Variants in SAMD9L observed in about 807,000 individuals in gnomAD.
SAMD9L encodes sterile alpha motif domain containing 9 like.
SAMD9L carries 68 observed loss-of-function variants against 90.7 expected under a neutral mutation model. The ratio of observed to expected loss-of-function variants is 0.75; its 90% CI spans 0.62 to 0.92. The LOEUF is 0.92. Ranked by LOEUF, SAMD9L falls within the 40% of genes least tolerant of loss-of-function variation. The pLI is 0.00. For missense variants in SAMD9L, 1,604 were observed against 1,824.3 expected, an observed-to-expected ratio of 0.88 and a Z score of 2.20; for synonymous variants, 640 against 630.1, an observed-to-expected ratio of 1.02 and a Z score of -0.23.
chr7:93,143,275 C>G (rs1203592304), intron 4 of SAMD9L, among the ~76,000 whole-genome samples: 1 of 152,140 alleles, frequency 6.6e-6, no homozygotes, highest in Admixed American at 6.5e-5. Flanking sequence ...CACACCCTGA[C>G]TGGAACATGG....
At chr7:93,136,520 G>T (rs1251702058) in intron 4 of SAMD9L, among the ~76,000 whole-genome samples, 1 of 152,164 alleles carries the variant, frequency 6.6e-6, no homozygotes, top group Non-Finnish European at 1.5e-5. Flanking sequence ...TTGGGGGAAT[G>T]TGGTAGCAAA....
In SAMD9L at chr7:93,132,652, C is replaced by G; in HGVS notation, c.3320G>C (p.Arg1107Pro). ...KDFNTALDWA[R>P]QAKMKAPKNS... ...TTTAGGTGCTTTCATTTTGGCCTGA[C>G]GTGCCCAGTCCAGAGCTGTGTTAAA... Residue 1107 changes from arginine to proline, a missense_variant, in exon 5 of 5, where the codon CGT (arginine) becomes CCT (proline). By Grantham distance (103) the Arg-to-Pro change is moderately radical (BLOSUM62 -2). Coordinates refer to ENST00000318238, the MANE Select transcript of SAMD9L (RefSeq NM_152703.5). 1 of 1,613,780 alleles carries G rather than the reference C, an allele frequency of 6.2e-7. No homozygotes were observed. The highest frequency in any genetic ancestry group is 2.2e-5 in the East Asian group (1 of 44,872).
chr7:93,131,549 G>T lies in SAMD9L; in HGVS notation c.4423C>A (p.Leu1475Ile). The change falls in exon 5 of 5, where the codon CTT (leucine) becomes ATT (isoleucine). Residue 1475 changes from leucine to isoleucine, a missense_variant. Coordinates refer to ENST00000318238, the MANE Select transcript of SAMD9L (RefSeq NM_152703.5). The part of the protein sequence containing the change: ...RMCRSKQAST[L>I]FYLGKRKGLN... Reference sequence around the variant, plus strand: ...CCCTTCCTTTTGCCCAGATAGAAAAGTGTGCTTGCCTGCTTGGACCTGCAC... The same window carrying T: ...CCCTTCCTTTTGCCCAGATAGAAAATTGTGCTTGCCTGCTTGGACCTGCAC... 4.3e-6 allele frequency: 7 copies of T among 1,613,968 alleles called. No homozygotes were observed. The highest frequency in any genetic ancestry group is 5.9e-6 in the Non-Finnish European group (7 of 1,179,902).
Position 93,146,885 on chromosome 7 carries a change from A to G in SAMD9L, c.-781T>C, listed in dbSNP as rs947214367. Reference sequence around the variant, plus strand: ...CCTAGTTACAGACTACACCTTACCAACTTTCTGCTGTGTCACTCACAGTCA... The same window carrying G: ...CCTAGTTACAGACTACACCTTACCAGCTTTCTGCTGTGTCACTCACAGTCA... On this transcript the variant is annotated splice_region_variant and 5_prime_UTR_variant, in exon 2 of 5. Transcript: ENST00000318238. 6.6e-6 allele frequency: 1 copy of G among 152,172 alleles called. No individual in the cohort carries two copies. Among genetic ancestry groups the G allele is most frequent in the African/African-American group, 2.4e-5 (1 of 41,426 alleles). 9.4% of individuals were successfully genotyped at this position (152,172 alleles called of 1,614,324 possible).
Position 93,134,549 on chromosome 7 carries a change from C to A in SAMD9L, c.1423G>T (p.Asp475Tyr). Reference sequence around the variant, plus strand: ...TTCTCCCACATGTTAGTTGTCTTGTCTTCATATTGATTTGGAAAGTGAAGG... The same window carrying A: ...TTCTCCCACATGTTAGTTGTCTTGTATTCATATTGATTTGGAAAGTGAAGG... ...ANLHFPNQYE[D>Y]KTTNMWEKIS... The change falls in exon 5 of 5, where the codon GAC (aspartate) becomes TAC (tyrosine). Residue 475 changes from aspartate to tyrosine, a missense_variant. By Grantham distance (160) the Asp-to-Tyr change is radical. This residue lies in a region of SAMD9L where 606 missense variants were observed against 717.6 expected (regional missense o/e 0.84). Coordinates refer to ENST00000318238, the MANE Select transcript of SAMD9L (RefSeq NM_152703.5). 1.2e-6 allele frequency: 2 copies of A among 1,613,922 alleles called. No individual in the cohort carries two copies. Among genetic ancestry groups the A allele is most frequent in the Middle Eastern group, 1.7e-4 (1 of 6,060 alleles).
At position 93,134,766 on chromosome 7, in the gene SAMD9L, G is replaced by A. The variant is rs1371468075; in HGVS notation, c.1206C>T (p.Leu402=). Reference sequence around the variant, plus strand: ...TATCCAGTGAGTCTCGGTTTCCTATGAGAAGTTTAACCAGCTTTAGTCCTT... The same window carrying A: ...TATCCAGTGAGTCTCGGTTTCCTATAAGAAGTTTAACCAGCTTTAGTCCTT... The part of the protein sequence containing the change: ...ESEGLKLVKL[L]IGNRDSLDNS... Residue 402 remains leucine, a synonymous_variant, in exon 5 of 5, where the codon CTC becomes CTT. Transcript: ENST00000318238. The A allele has an allele frequency of 2.5e-6, 4 of 1,613,282 alleles. No homozygotes were observed. Among genetic ancestry groups the A allele is most frequent in the Non-Finnish European group, 3.4e-6 (4 of 1,179,906 alleles).
rs1472886945 is a variant in SAMD9L at position 93,135,921 on chromosome 7, C to T, written c.51G>A (p.Glu17=). ...CTTCATTTACCCATTTTTTCACATGCTCTTTGGTCCAGTCTTTAATCATTT... is the reference window on the plus strand; with the variant it reads ...CTTCATTTACCCATTTTTTCACATGTTCTTTGGTCCAGTCTTTAATCATTT... ...LPEMIKDWTK[E]HVKKWVNEDL... The change falls in exon 5 of 5, where the codon GAG becomes GAA. Residue 17 remains glutamate (E), a synonymous_variant. Transcript: ENST00000318238. The T allele has an allele frequency of 1.2e-6, 2 of 1,610,592 alleles. No individual in the cohort carries two copies. The highest frequency in any genetic ancestry group is 2.7e-5 in the African/African-American group (2 of 74,718).
rs1792913612 is a variant in SAMD9L at position 93,146,924 on chromosome 7, T to A, written c.-820A>T. On this transcript the variant is annotated 5_prime_UTR_variant, in exon 2 of 5. The change abolishes an upstream ATG in the 5' untranslated region. Transcript: ENST00000318238. ...CACTCACAGTCACCGAATGAGGCCA[T>A]TTCTCACACAGCGTTTTCCCTGGAG... 6.6e-6 allele frequency: 1 copy of A among 152,240 alleles called. No individual in the cohort carries two copies. The highest frequency in any genetic ancestry group is 1.5e-5 in the Non-Finnish European group (1 of 68,056). 9.4% of individuals were successfully genotyped at this position (152,240 alleles called of 1,614,324 possible).
chr7:93,142,907 G>A (rs1404655618), intron 4 of SAMD9L, among the ~76,000 whole-genome samples: 1 of 152,190 alleles, frequency 6.6e-6, no homozygotes, highest in East Asian at 1.9e-4. Flanking sequence ...CTATAAGGAA[G>A]AACTCTAGAT....
rs1182801816 is a variant in SAMD9L, at chr7:93,134,639, C to G, written c.1333G>C (p.Glu445Gln). Residue 445 changes from glutamate (E) to glutamine (Q), a missense_variant, in exon 5 of 5, where the codon GAG becomes CAG. Around this residue, in one of 7 missense-constraint regions of SAMD9L, gnomAD observed 606 missense variants for 717.6 expected, o/e 0.84. Coordinates refer to ENST00000318238, the MANE Select transcript of SAMD9L (RefSeq NM_152703.5). ...TTGATCATAGATTCAGGATCAAACT[C>G]CAACACAGCAAACCATTTAATTTCT... ...LKEIKWFAVL[E>Q]FDPESMINGV... The G allele has an allele frequency of 1.2e-6, 2 of 1,613,970 alleles. No individual in the cohort carries two copies. The highest frequency in any genetic ancestry group is 1.1e-5 in the South Asian group (1 of 91,084).
intron 4 of SAMD9L, among the ~76,000 whole-genome samples, chr7:93,138,820 C>T (rs1016487713): frequency 0.017 from 2 of 120 alleles, no homozygotes; most frequent in Admixed American, 0.071. Flanking sequence ...ATATTCCCAT[C>T]TCTCTGCCGA....
At chr7:93,143,562 G>A (rs1323714661) in intron 4 of SAMD9L, among the ~76,000 whole-genome samples, 3 of 152,212 alleles carry the variant, frequency 2.0e-5, no homozygotes, top group Admixed American at 6.5e-5. Flanking sequence ...TCCAAAGAGA[G>A]CTTCTCCAAA....
At chr7:93,140,146 C>T (rs1340682476) in intron 4 of SAMD9L, among the ~76,000 whole-genome samples, 1 of 151,948 alleles carries the variant, frequency 6.6e-6, no homozygotes, top group Non-Finnish European at 1.5e-5. Flanking sequence ...GCCCTCTGCA[C>T]CCTGACTGGA....
At position 93,131,814 on chromosome 7, in the gene SAMD9L, G is replaced by C; in HGVS notation, c.4158C>G (p.Ala1386=). 6.2e-7 allele frequency: 1 copy of C among 1,612,942 alleles called. No individual in the cohort carries two copies. Among genetic ancestry groups the C allele is most frequent in the Non-Finnish European group, 8.5e-7 (1 of 1,179,748 alleles). ...GCTTTAGACAACTCAGAATAATGTT[G>C]GCCAAAATGGAATTTTGTTTCTCAT... The part of the protein sequence containing the change: ...MTNEKQNSIL[A]NIILSCLKPN... Residue 1386 remains alanine (A), a synonymous_variant, in exon 5 of 5, where the codon GCC becomes GCG. Coordinates refer to ENST00000318238, the MANE Select transcript of SAMD9L (RefSeq NM_152703.5).
Position 93,134,633 on chromosome 7 carries a change from C to G in SAMD9L, c.1339G>C (p.Asp447His). 6.2e-7 allele frequency: 1 copy of G among 1,613,992 alleles called. No individual in the cohort carries two copies. ...EIKWFAVLEF[D>H]PESMINGVVK... ...ACTCCATTGATCATAGATTCAGGAT[C>G]AAACTCCAACACAGCAAACCATTTA... The change falls in exon 5 of 5, where the codon GAT becomes CAT. Residue 447 changes from aspartate (D) to histidine (H), a missense_variant. Asp to His is a moderately conservative substitution (Grantham distance 81). This residue lies in a region of SAMD9L where 606 missense variants were observed against 717.6 expected (regional missense o/e 0.84). Coordinates refer to ENST00000318238, the MANE Select transcript of SAMD9L (RefSeq NM_152703.5).
chr7:93,131,334 T>A lies in SAMD9L; in HGVS notation c.4638A>T (p.Ile1546=). 6.2e-7 allele frequency: 1 copy of A among 1,613,546 alleles called. No individual in the cohort carries two copies. The highest frequency in any genetic ancestry group is 8.5e-7 in the Non-Finnish European group (1 of 1,179,694). Residue 1546 remains isoleucine (I), a synonymous_variant, in exon 5 of 5, where the codon ATA becomes ATT. Transcript: ENST00000318238. ...VEYGTEEKIK[I]PVISVYSGPL... is the part of the protein sequence containing the mutation. ...GACCTGAATAAACAGATATTACTGG[T>A]ATTTTTATTTTTTCCTCTGTTCCAT...
intron 4 of SAMD9L, among the ~76,000 whole-genome samples, chr7:93,141,158 G>A (rs999696386): frequency 6.6e-6 from 1 of 152,178 alleles, no homozygotes; most frequent in African/African-American, 2.4e-5. Context: ...AGGCTTTTGG[G>A]ACACTACCTT....
Position 93,133,496 on chromosome 7 carries a change from C to A in SAMD9L, c.2476G>T (p.Asp826Tyr). 2 of 1,612,446 alleles carry A rather than the reference C, an allele frequency of 1.2e-6. No homozygotes were observed. The highest frequency in any genetic ancestry group is 1.7e-6 in the Non-Finnish European group (2 of 1,179,326). Residue 826 changes from aspartate to tyrosine, a missense_variant, in exon 5 of 5, where the codon GAT (aspartate) becomes TAT (tyrosine). Coordinates refer to ENST00000318238, the MANE Select transcript of SAMD9L (RefSeq NM_152703.5). ...ACCAATGTTTTTTCATATCGCAAATCCTTTTCTGCTAAAACGGAATGGATG... is the reference window on the plus strand; with the variant it reads ...ACCAATGTTTTTTCATATCGCAAATACTTTTCTGCTAAAACGGAATGGATG... ...NAIHSVLAEK[D>Y]LRYEKTLVII...
chr7:93,137,990 A>G (rs1380730049), intron 4 of SAMD9L, among the ~76,000 whole-genome samples: 1 of 152,150 alleles, frequency 6.6e-6, no homozygotes, highest in East Asian at 1.9e-4. Flanking sequence ...ATCTATAGGC[A>G]TGCAACCACT....
Sources: allele counts gnomAD v4.1 joint callset (sites outside exome capture counted in the v4.1 genomes callset), GRCh38; gene constraint gnomAD v4.1.1; regional missense constraint gnomAD v4.1.1; transcripts MANE v1.5; gene names NCBI Gene and HGNC (gene_info 2026-07-23, HGNC 2026-07-21).